CNIH4: variants seen among roughly 807,000 people sequenced by gnomAD.
CNIH4 encodes protein cornichon homolog 4.
Under a neutral mutation model 21.5 loss-of-function variants are expected in CNIH4, and 9 were observed. The ratio of observed to expected loss-of-function variants is 0.42; its 90% CI spans 0.25 to 0.73. The LOEUF (loss-of-function observed/expected upper bound fraction) is 0.73, where lower values mean the gene tolerates loss of function less well. CNIH4 is among the 30% of genes least tolerant of loss of function. The probability of loss-of-function intolerance (pLI) is 0.27; values close to 1 mark genes in which losing one functional copy is unlikely to be tolerated. For synonymous variants in CNIH4, 67 were observed against 59.1 expected, an observed-to-expected ratio of 1.13 and a Z score of -0.61; for missense variants, 159 against 170.0, an observed-to-expected ratio of 0.94 and a Z score of 0.36.
In CNIH4 at chr1:224,375,898, C is replaced by T; in HGVS notation, c.*76C>T. 6.9e-6 allele frequency: 11 copies of T among 1,584,084 alleles called. No homozygotes were observed. Among genetic ancestry groups the T allele is most frequent in the Non-Finnish European group, 9.4e-6 (11 of 1,164,158 alleles). The stretch of plus-strand genomic sequence containing the variant: ...GGAGCCAGAGACTTCTTAAATCATC[C>T]TTAGAACCGTGACCATAGCAGTATA... On this transcript the variant is annotated 3_prime_UTR_variant, in exon 5 of 5. Coordinates refer to ENST00000465271, the MANE Select transcript of CNIH4 (RefSeq NM_014184.4).
chr1:224,367,963 C>T (rs1051998444), intron 3 of CNIH4, among the ~76,000 whole-genome samples: 3 of 152,194 alleles, frequency 2.0e-5, no homozygotes, highest in African/African-American at 7.2e-5. Context: ...AAATGAAAAC[C>T]TGCTAGAAGA....
chr1:224,376,242 A>G lies in CNIH4; in HGVS notation c.*420A>G. On this transcript the variant is annotated 3_prime_UTR_variant, in exon 5 of 5. Coordinates refer to ENST00000465271, the MANE Select transcript of CNIH4 (RefSeq NM_014184.4). ...CAACACTGTTGATCTGGACAAAAGA[A>G]GAAAAATTACCCTTTTTGCTTGTGT... is the stretch of plus-strand genomic sequence containing the variant. 1.0e-6 allele frequency: 1 copy of G among 989,612 alleles called. No individual in the cohort carries two copies. Among genetic ancestry groups the G allele is most frequent in the Non-Finnish European group, 1.2e-6 (1 of 832,854 alleles). 61.3% of individuals were successfully genotyped at this position (989,612 alleles called of 1,614,324 possible).
In CNIH4 at chr1:224,375,957, T is replaced by C. The variant is rs1558402276; in HGVS notation, c.*135T>C. 7.4e-7 allele frequency: 1 copy of C among 1,358,606 alleles called. No individual in the cohort carries two copies. Among genetic ancestry groups the C allele is most frequent in the South Asian group, 2.1e-5 (1 of 48,560 alleles). The allele number at this position is 1,358,606 out of a possible 1,614,324, so 84.2% of individuals were successfully genotyped here. A position where few individuals can be genotyped will look rare whatever the true frequency, so the allele number is the denominator to read the frequency against. ...TCTTGGAACAAAAAACTATTTTTGCTGTATTTTTACCATATAAAGTATTTA... is the reference window on the plus strand; with the variant it reads ...TCTTGGAACAAAAAACTATTTTTGCCGTATTTTTACCATATAAAGTATTTA... On this transcript the variant is annotated 3_prime_UTR_variant, in exon 5 of 5. Transcript: ENST00000465271.
At chr1:224,357,264 G>A in intron 1 of CNIH4, 1 of 365,716 alleles carries the variant, frequency 2.7e-6, no homozygotes, top group East Asian at 4.9e-5. Context: ...GCCTCTCCGG[G>A]CGCGCCCCGT....
At position 224,376,168 on chromosome 1, in the gene CNIH4, G is replaced by A. The variant is rs1354603758; in HGVS notation, c.*346G>A. The A allele has an allele frequency of 5.8e-5, 60 of 1,028,564 alleles. No homozygotes were observed. The highest frequency in any genetic ancestry group is 6.8e-5 in the Non-Finnish European group (58 of 858,318). The allele number at this position is 1,028,564 out of a possible 1,614,324, so 63.7% of individuals were successfully genotyped here. ...ACTTTAAAGGGCAAACTGAAGAGATGAGCGAGCAAAGGTGCCCTTCAGGTC... is the reference window on the plus strand; with the variant it reads ...ACTTTAAAGGGCAAACTGAAGAGATAAGCGAGCAAAGGTGCCCTTCAGGTC... On this transcript the variant is annotated 3_prime_UTR_variant, in exon 5 of 5. Transcript: ENST00000465271.
intron 3 of CNIH4, among the ~76,000 whole-genome samples, chr1:224,370,887 T>G (rs1045644992): frequency 1.3e-5 from 2 of 151,310 alleles, no homozygotes; most frequent in African/African-American, 4.9e-5. Context: ...TTTTTTTTTT[T>G]TTTTTTTGAG....
At chr1:224,360,791 A>G (rs1030882872) in intron 2 of CNIH4, among the ~76,000 whole-genome samples, 1 of 152,146 alleles carries the variant, frequency 6.6e-6, no homozygotes, top group Non-Finnish European at 1.5e-5. Flanking sequence ...TCTTGTTTAC[A>G]GCGGATAGCA....
At chr1:224,367,465 C>A (rs1045331368) in intron 3 of CNIH4, among the ~76,000 whole-genome samples, 6 of 151,402 alleles carry the variant, frequency 4.0e-5, no homozygotes, top group Admixed American at 2.0e-4. Flanking sequence ...GGTGGGTACC[C>A]TGGGGTCGAA....
chr1:224,359,671 A>G (rs1010194045), intron 1 of CNIH4, among the ~76,000 whole-genome samples: 4 of 152,072 alleles, frequency 2.6e-5, no homozygotes, highest in Admixed American at 6.5e-5. Context: ...CCTGGGTTCA[A>G]GCGATTCTCC....
Position 224,371,266 on chromosome 1 carries a change from A to C in CNIH4, c.252-17A>C. On this transcript the variant is annotated splice_polypyrimidine_tract_variant and intron_variant, in intron 3 of 4. Transcript: ENST00000465271. ...ATTTGATTATCCTTCTAATGTGTGT[A>C]TCCTTTAATTTATCAGATACATTAT... 1 of 1,607,774 alleles carries C rather than the reference A, an allele frequency of 6.2e-7. No individual in the cohort carries two copies. Among genetic ancestry groups the C allele is most frequent in the Non-Finnish European group, 8.5e-7 (1 of 1,177,380 alleles).
chr1:224,374,351 G>A (rs967911834), intron 4 of CNIH4, among the ~76,000 whole-genome samples: 2 of 152,008 alleles, frequency 1.3e-5, no homozygotes, highest in Non-Finnish European at 2.9e-5. Context: ...TTTTGATTGG[G>A]TGCTAGCCTA....
chr1:224,362,309 C>T (rs565915196), intron 2 of CNIH4, among the ~76,000 whole-genome samples: 4 of 151,596 alleles, frequency 2.6e-5, no homozygotes, highest in Non-Finnish European at 4.4e-5. Flanking sequence ...GTCTCAATCT[C>T]CTGACCTCAT....
In CNIH4 at chr1:224,359,499, G is replaced by A. The variant is rs1365402875; in HGVS notation, c.70-996G>A. 2.6e-5 allele frequency among the ~76,000 whole-genome samples: 4 copies of A among 152,208 alleles called. No individual in the cohort carries two copies. The East Asian group carries it at 7.7e-4, about 29-fold the overall frequency. ...TTTTGATCCTGGGCAAGTGATACTT[G>A]TGTCAGTAACAGAAATAAAACAAAT... On this transcript the variant is annotated intron_variant, in intron 1 of 4. Coordinates refer to ENST00000465271, the MANE Select transcript of CNIH4 (RefSeq NM_014184.4).
chr1:224,375,779 TTTC>T lies in CNIH4; in HGVS notation c.393-10_393-8del. ...CCTGAGAAAACATTAGTGACATTCATTTCTTCTTTCCACAGTATGATCTTAGCT... is the reference window on the plus strand; with the variant it reads ...CCTGAGAAAACATTAGTGACATTCATTTCTTTCCACAGTATGATCTTAGCT... On this transcript the variant is annotated splice_polypyrimidine_tract_variant and intron_variant, in intron 4 of 4. Transcript: ENST00000465271. 6.2e-7 allele frequency: 1 copy of T among 1,614,044 alleles called. No homozygotes were observed. The highest frequency in any genetic ancestry group is 8.5e-7 in the Non-Finnish European group (1 of 1,179,952).
intron 4 of CNIH4, among the ~76,000 whole-genome samples, chr1:224,375,398 G>A (rs1403622754): frequency 6.6e-6 from 1 of 152,166 alleles, no homozygotes; most frequent in Non-Finnish European, 1.5e-5. Flanking sequence ...TGGAGTGGTG[G>A]GATGGGGAGA....
intron 4 of CNIH4, among the ~76,000 whole-genome samples, chr1:224,374,322 G>C (rs937504831): frequency 6.6e-6 from 1 of 152,156 alleles, no homozygotes; most frequent in African/African-American, 2.4e-5. Flanking sequence ...AGAGAATGGG[G>C]GAATCTATGC....
chr1:224,364,374 A>G, intron 2 of CNIH4: 2 of 985,402 alleles, frequency 2.0e-6, no homozygotes, highest in Non-Finnish European at 2.4e-6. Context: ...TTAGTATAAC[A>G]TCAGCTGACA....
chr1:224,376,819 A>G lies in CNIH4; in HGVS notation c.*997A>G, dbSNP rs911530268. 3.0e-6 allele frequency: 3 copies of G among 985,340 alleles called. No individual in the cohort carries two copies. The highest frequency in any genetic ancestry group is 6.1e-5 in the Admixed American group (1 of 16,286). 61.0% of individuals were successfully genotyped at this position (985,340 alleles called of 1,614,324 possible). A position where few individuals can be genotyped will look rare whatever the true frequency, so the allele number is the denominator to read the frequency against. ...TGTAAACTCTTGCAGGTGGGAGAGCAGTTCACCTCCTTAGCTCTGTTTGCC... is the reference window on the plus strand; with the variant it reads ...TGTAAACTCTTGCAGGTGGGAGAGCGGTTCACCTCCTTAGCTCTGTTTGCC... On this transcript the variant is annotated 3_prime_UTR_variant, in exon 5 of 5. Coordinates refer to ENST00000465271, the MANE Select transcript of CNIH4 (RefSeq NM_014184.4).
At position 224,362,255 on chromosome 1, in the gene CNIH4, G is replaced by A. The variant is rs543690354; in HGVS notation, c.138+1692G>A. Among the ~76,000 whole-genome samples the A allele has an allele frequency of 3.3e-5, 5 of 150,986 alleles. No individual in the cohort carries two copies. In the East Asian group the frequency reaches 9.9e-4, roughly 30 times the overall value. ...ACCACCACGCCCGGCTAATTTTTTT[G>A]TATTTTTTAGTGGAGACGGGGTTTC... is the stretch of plus-strand genomic sequence containing the variant. On this transcript the variant is annotated intron_variant, in intron 2 of 4. Coordinates refer to ENST00000465271, the MANE Select transcript of CNIH4 (RefSeq NM_014184.4).
Sources: allele counts gnomAD v4.1 joint callset (sites outside exome capture counted in the v4.1 genomes callset), GRCh38; gene constraint gnomAD v4.1.1; transcripts MANE v1.5; gene names NCBI Gene and HGNC (gene_info 2026-07-23, HGNC 2026-07-21).